GRID1: variants seen among roughly 807,000 people sequenced by gnomAD.
GRID1 encodes the protein glutamate ionotropic receptor delta type subunit 1.
Under a neutral mutation model 98.0 loss-of-function variants are expected in GRID1, and 28 were observed. That is an observed-to-expected ratio of 0.29 (90% confidence interval 0.21 to 0.39). The LOEUF is 0.39. Among genes scored for constraint, GRID1 ranks in the 10% least tolerant of loss-of-function variants. The pLI is 1.00. For synonymous variants in GRID1, 553 were observed against 538.5 expected, an observed-to-expected ratio of 1.03 and a Z score of -0.37; for missense variants, 1,111 against 1,340.5, an observed-to-expected ratio of 0.83 and a Z score of 2.67.
At chr10:86,049,146 G>A (rs768794828) in intron 4 of GRID1, among the ~76,000 whole-genome samples, 2 of 152,168 alleles carry the variant, frequency 1.3e-5, no homozygotes. Context: ...ACTGAGAAGT[G>A]AACTCATGTA....
intron 5 of GRID1, among the ~76,000 whole-genome samples, chr10:85,885,442 T>C (rs1371189122): frequency 1.3e-5 from 2 of 152,192 alleles, no homozygotes; most frequent in East Asian, 1.9e-4. Flanking sequence ...ATAGACTATA[T>C]TGGATTTTCA....
chr10:86,353,103 GC>G lies in GRID1; in HGVS notation c.235+10837del, dbSNP rs537070489. ...GTTTATTGAGTGTGCACTACAAACT[GC>G]CCTTAGAGCTGAGGATACCACAGGG... On this transcript the variant is annotated intron_variant, in intron 2 of 15. Coordinates refer to ENST00000327946, the MANE Select transcript of GRID1 (RefSeq NM_017551.3). Among the ~76,000 whole-genome samples the G allele has an allele frequency of 7.9e-5, 12 of 152,300 alleles. No individual in the cohort carries two copies. The East Asian group carries it at 2.3e-3, about 29-fold the overall frequency.
At chr10:85,847,410 C>G (rs1034859838) in intron 8 of GRID1, among the ~76,000 whole-genome samples, 18 of 152,122 alleles carry the variant, frequency 1.2e-4, no homozygotes, top group African/African-American at 4.3e-4. Flanking sequence ...GTAAGTCTTC[C>G]TTATTGTTTA....
chr10:86,072,193 G>T (rs184024309), intron 4 of GRID1, among the ~76,000 whole-genome samples: 2 of 152,106 alleles, frequency 1.3e-5, no homozygotes, highest in Non-Finnish European at 2.9e-5. Flanking sequence ...TATTTCAGAC[G>T]TTCAAGTTTA....
At chr10:86,290,835 T>C (rs1847501622) in intron 2 of GRID1, among the ~76,000 whole-genome samples, 1 of 152,064 alleles carries the variant, frequency 6.6e-6, no homozygotes, top group South Asian at 2.1e-4. Flanking sequence ...GAGGGTCTTT[T>C]CCCGCTGTTA....
At chr10:85,687,418 T>G (rs1243223450) in intron 12 of GRID1, among the ~76,000 whole-genome samples, 7 of 152,202 alleles carry the variant, frequency 4.6e-5, no homozygotes, top group Non-Finnish European at 8.8e-5. Context: ...TAGTAATTGT[T>G]ATTTTTTAAA....
intron 2 of GRID1, among the ~76,000 whole-genome samples, chr10:86,335,961 C>G (rs985847553): frequency 2.6e-5 from 4 of 152,340 alleles, no homozygotes; most frequent in African/African-American, 9.6e-5. Flanking sequence ...TAGAGGGGCC[C>G]TCTCACCCTA....
chr10:85,970,203 G>T (rs778363918), intron 4 of GRID1, among the ~76,000 whole-genome samples: 10 of 151,948 alleles, frequency 6.6e-5, no homozygotes, highest in Non-Finnish European at 1.5e-4. Context: ...TAAAGTCAAA[G>T]CCCAGATGTC....
intron 3 of GRID1, among the ~76,000 whole-genome samples, chr10:86,176,772 C>T (rs983964264): frequency 6.6e-6 from 1 of 152,070 alleles, no homozygotes; most frequent in South Asian, 2.1e-4. Flanking sequence ...CTTGATAGGT[C>T]GCTATTGTGC....
In GRID1 at chr10:86,136,310, G is replaced by T. The variant is rs1185335297; in HGVS notation, c.726+2509C>A. On this transcript the variant is annotated intron_variant, in intron 4 of 15. Transcript: ENST00000327946. ...ATACGTTAAAATGCTTTGCGTATAA[G>T]CACCCTGAGAACCTCTGCCAAACCC... 3.3e-5 allele frequency among the ~76,000 whole-genome samples: 5 copies of T among 152,292 alleles called. No individual in the cohort carries two copies. The South Asian group carries it at 1.0e-3, about 32-fold the overall frequency.
chr10:85,960,090 G>C (rs1430736911), intron 4 of GRID1, among the ~76,000 whole-genome samples: 1 of 151,926 alleles, frequency 6.6e-6, no homozygotes, highest in Non-Finnish European at 1.5e-5. Flanking sequence ...ACCATTTTTT[G>C]GTAGAGACAG....
At chr10:86,158,072 C>T (rs539924576) in intron 3 of GRID1, among the ~76,000 whole-genome samples, 6 of 152,330 alleles carry the variant, frequency 3.9e-5, no homozygotes, top group South Asian at 4.1e-4. Flanking sequence ...TGTCCCCCAA[C>T]GCAGTGCTTC....
intron 12 of GRID1, among the ~76,000 whole-genome samples, chr10:85,651,480 T>A (rs974472873): frequency 2.6e-5 from 4 of 152,190 alleles, no homozygotes; most frequent in African/African-American, 9.7e-5. Context: ...CCAAGGTACA[T>A]GCAAATGCTC....
At chr10:85,756,944 C>T (rs1320408616) in intron 8 of GRID1, among the ~76,000 whole-genome samples, 2 of 152,182 alleles carry the variant, frequency 1.3e-5, no homozygotes, top group African/African-American at 4.8e-5. Flanking sequence ...GAGACTGAGG[C>T]AAAGTGTAGT....
At chr10:86,165,338 G>C (rs1845383449) in intron 3 of GRID1, among the ~76,000 whole-genome samples, 1 of 152,208 alleles carries the variant, frequency 6.6e-6, no homozygotes, top group African/African-American at 2.4e-5. Context: ...CGGCGCTCAA[G>C]GTTTCTGGAG....
chr10:85,808,535 G>A (rs75912557), intron 8 of GRID1, among the ~76,000 whole-genome samples: 3 of 152,252 alleles, frequency 2.0e-5, no homozygotes, highest in African/African-American at 4.8e-5. Context: ...CTGGAAATAC[G>A]TTAAACTTTA....
chr10:85,776,415 T>C (rs1842331828), intron 8 of GRID1, among the ~76,000 whole-genome samples: 1 of 152,114 alleles, frequency 6.6e-6, no homozygotes, highest in Admixed American at 6.6e-5. Flanking sequence ...TAAATAAATA[T>C]GAAATACTCT....
chr10:85,947,693 C>A (rs922078652), intron 4 of GRID1, among the ~76,000 whole-genome samples: 1 of 152,158 alleles, frequency 6.6e-6, no homozygotes, highest in Non-Finnish European at 1.5e-5. Context: ...AGAAGACCAC[C>A]AAATCTGCTG....
At chr10:85,613,066 G>T (rs184931341) in intron 15 of GRID1, 194 of 270,986 alleles carry the variant, frequency 7.2e-4, no homozygotes, top group African/African-American at 3.8e-3. Context: ...CCTACAGGTG[G>T]TCTCTCCAGG....
Sources: gnomAD v4.1 joint callset for allele counts (sites outside exome capture counted in the v4.1 genomes callset) on GRCh38, gnomAD v4.1.1 for gene constraint, MANE v1.5 for transcripts, NCBI Gene and HGNC (gene_info 2026-07-23, HGNC 2026-07-21) for gene names.